The following SEC23A variants were observed in gnomAD, a reference collection of about 807,000 sequenced individuals.
SEC23A encodes protein transport protein Sec23A.
In SEC23A, 56 loss-of-function variants were observed where a neutral mutation model predicts 103.7. That is an observed-to-expected ratio of 0.54 (90% CI 0.44 to 0.67). SEC23A has a LOEUF of 0.67. SEC23A is among the 30% of genes least tolerant of loss of function. The probability of loss-of-function intolerance (pLI) is 0.00; values close to 1 mark genes in which losing one functional copy is unlikely to be tolerated. For synonymous variants in SEC23A, 281 were observed against 293.0 expected, an observed-to-expected ratio of 0.96 and a Z score of 0.42; for missense variants, 784 against 936.4, an observed-to-expected ratio of 0.84 and a Z score of 2.12.
At chr14:39,067,879 A>G (rs1239981078) in intron 9 of SEC23A, among the ~76,000 whole-genome samples, 1 of 151,926 alleles carries the variant, frequency 6.6e-6, no homozygotes. Flanking sequence ...CATGTTGCCC[A>G]GGTTGGTCTT....
chr14:39,047,242 G>C lies in SEC23A; in HGVS notation c.1737+1410C>G, dbSNP rs1225701221. On this transcript the variant is annotated intron_variant, in intron 15 of 19. Coordinates refer to ENST00000307712, the MANE Select transcript of SEC23A (RefSeq NM_006364.4). ...CTCTGAAGATCTAAAAGCCCAACAA[G>C]AAGGCTTGAGGCAGGGAGAGAAGAG... is the stretch of plus-strand genomic sequence containing the variant. 1.5e-5 allele frequency: 5 copies of C among 334,530 alleles called. No homozygotes were observed. In the East Asian group the frequency reaches 3.0e-4, roughly 20 times the overall value. 20.7% of individuals were successfully genotyped at this position (334,530 alleles called of 1,614,324 possible).
chr14:39,036,150 C>T (rs1885451872), intron 19 of SEC23A, among the ~76,000 whole-genome samples: 1 of 151,762 alleles, frequency 6.6e-6, no homozygotes, highest in African/African-American at 2.4e-5. Context: ...GAAACTCCAT[C>T]TCTACTAAAA....
chr14:39,046,363 C>G (rs1311356039), intron 15 of SEC23A, among the ~76,000 whole-genome samples: 1 of 152,120 alleles, frequency 6.6e-6, no homozygotes, highest in African/African-American at 2.4e-5. Context: ...ATCTCAGCTA[C>G]TCGGGAGGCA....
chr14:39,067,648 G>A (rs1024114058), intron 9 of SEC23A, among the ~76,000 whole-genome samples: 1 of 146,430 alleles, frequency 6.8e-6, no homozygotes, highest in Non-Finnish European at 1.5e-5. Context: ...GTACCTGACA[G>A]TTTCCAGCAT....
At chr14:39,048,105 C>T (rs577052192) in intron 15 of SEC23A, among the ~76,000 whole-genome samples, 59 of 152,246 alleles carry the variant, frequency 3.9e-4, no homozygotes, top group Non-Finnish European at 1.5e-4. Flanking sequence ...TAATTCTACC[C>T]ACTGCAGGGT....
intron 18 of SEC23A, 120 bp from the exon 19 acceptor site, chr14:39,039,216 T>A: frequency 1.2e-6 from 1 of 807,044 alleles, no homozygotes; most frequent in Non-Finnish European, 2.0e-6. Flanking sequence ...TTAATTTTAT[T>A]AACTTAATTT....
chr14:39,059,393 A>C lies in SEC23A; in HGVS notation c.1505+2372T>G, dbSNP rs549968656. On this transcript the variant is annotated intron_variant, in intron 13 of 19. Transcript: ENST00000307712. Reference sequence around the variant, plus strand: ...TGCTTTTGGTAAGACACAATGCTATAAATGGCACCATAACACACATATGTC... The same window carrying C: ...TGCTTTTGGTAAGACACAATGCTATCAATGGCACCATAACACACATATGTC... Among the ~76,000 whole-genome samples the C allele has an allele frequency of 4.6e-5, 7 of 152,036 alleles. No homozygotes were observed. In the South Asian group the frequency reaches 1.5e-3, roughly 32 times the overall value.
chr14:39,064,829 C>T, intron 11 of SEC23A, 84 bp downstream of exon 11: 1 of 989,290 alleles, frequency 1.0e-6, no homozygotes, highest in South Asian at 1.3e-5. Flanking sequence ...ATCCTCCTGC[C>T]TCAGCTTCCC....
chr14:39,074,305 T>C (rs1886936900), intron 9 of SEC23A, 110 bp downstream of exon 9: 2 of 765,656 alleles, frequency 2.6e-6, no homozygotes, highest in South Asian at 2.8e-5. Flanking sequence ...TGTGTTGCCT[T>C]GAAGTAGTGG....
rs376493701 is a variant in SEC23A at position 39,051,375 on chromosome 14, A to G, written c.1660-2646T>C. On this transcript the variant is annotated intron_variant, in intron 14 of 19. Coordinates refer to ENST00000307712, the MANE Select transcript of SEC23A (RefSeq NM_006364.4). The stretch of plus-strand genomic sequence containing the variant: ...AAGACTAATCTGGTCTCTAGCCCCA[A>G]CTGCCCTGCTGCTGTTGTAAATGCT... 3.3e-4 allele frequency among the ~76,000 whole-genome samples: 50 copies of G among 152,338 alleles called. No individual in the cohort carries two copies. The South Asian group carries it at 1.0e-2, about 30-fold the overall frequency.
Position 39,042,824 on chromosome 14 carries a change from T to A in SEC23A, c.1948A>T (p.Met650Leu), listed in dbSNP as rs769211083. ...ATCAAAATCTGGAAGAATGTGTCCA[T>A]GAGAAGAATACGATCTGCAAGAATG... Reference protein sequence around the residue: ...SSILADRILLMDTFFQILIYH... With the variant: ...SSILADRILLLDTFFQILIYH... Residue 650 changes from methionine to leucine, a missense_variant, in exon 17 of 20, where the codon ATG (methionine) becomes TTG (leucine). Transcript: ENST00000307712. The A allele has an allele frequency of 1.9e-6, 3 of 1,612,360 alleles. No individual in the cohort carries two copies. The highest frequency in any genetic ancestry group is 2.5e-6 in the Non-Finnish European group (3 of 1,178,666).
chr14:39,039,386 G>T, intron 18 of SEC23A: 1 of 309,008 alleles, frequency 3.2e-6, no homozygotes, highest in Non-Finnish European at 5.8e-6. Flanking sequence ...TGACAAGGTT[G>T]GTGTGAAATT....
At chr14:39,090,878 C>A in intron 5 of SEC23A, 1 of 248,552 alleles carries the variant, frequency 4.0e-6, no homozygotes, top group South Asian at 4.4e-5. Flanking sequence ...AAATGTTGAA[C>A]CTTTCTGGCC....
At chr14:39,084,660 T>A (rs1296814736) in intron 7 of SEC23A, among the ~76,000 whole-genome samples, 1 of 151,842 alleles carries the variant, frequency 6.6e-6, no homozygotes, top group Non-Finnish European at 1.5e-5. Context: ...ATGATAAGAG[T>A]ACCTTTTGTT....
intron 11 of SEC23A, among the ~76,000 whole-genome samples, chr14:39,064,358 T>C (rs902270070): frequency 3.9e-5 from 6 of 152,210 alleles, no homozygotes; most frequent in South Asian, 2.1e-4. Flanking sequence ...AAAAAGAACA[T>C]AAAGAACTGA....
chr14:39,077,227 CAAAAAAAAAAAAAAAAA>C (rs57549556), intron 7 of SEC23A, among the ~76,000 whole-genome samples: 9 of 36,478 alleles, frequency 2.5e-4, no homozygotes, highest in East Asian at 9.9e-4. Context: ...GACTCCATCT[CAAAAAAAAAAAAAAAAA>C]AAAAAAAAAA....
At chr14:39,066,557 GA>G (rs1347531370) in intron 10 of SEC23A, among the ~76,000 whole-genome samples, 3 of 151,130 alleles carry the variant, frequency 2.0e-5, no homozygotes, top group African/African-American at 4.9e-5. Flanking sequence ...AACATAAATA[GA>G]TTTGGCTCTA....
At chr14:39,041,041 G>T in intron 17 of SEC23A, 154 bp from the exon 18 acceptor site, 1 of 689,164 alleles carries the variant, frequency 1.5e-6, no homozygotes. Flanking sequence ...TTTCAGTAGA[G>T]AAAATATTCT....
chr14:39,062,789 C>T (rs528866732), intron 12 of SEC23A, among the ~76,000 whole-genome samples: 78 of 151,918 alleles, frequency 5.1e-4, no homozygotes, highest in African/African-American at 1.7e-3. Context: ...CATTTTATGG[C>T]TAAAAACTAT....
Sources: gnomAD v4.1 joint callset for allele counts (sites outside exome capture counted in the v4.1 genomes callset) on GRCh38, gnomAD v4.1.1 for gene constraint, MANE v1.5 for transcripts, NCBI Gene and HGNC (gene_info 2026-07-23, HGNC 2026-07-21) for gene names.